Variants in RASSF8 observed in about 807,000 individuals in gnomAD.
The protein encoded by RASSF8 is ras association domain-containing protein 8.
In RASSF8, 22 loss-of-function variants were observed where a neutral mutation model predicts 48.5. The ratio of observed to expected loss-of-function variants is 0.45; its 90% CI spans 0.32 to 0.65. The LOEUF is 0.65. Ranked by LOEUF, RASSF8 falls within the 30% of genes least tolerant of loss-of-function variation. The probability of loss-of-function intolerance (pLI) is 0.03; values close to 1 mark genes in which losing one functional copy is unlikely to be tolerated. For synonymous variants in RASSF8, 127 were observed against 171.5 expected, an observed-to-expected ratio of 0.74 and a Z score of 2.03; for missense variants, 418 against 489.2, an observed-to-expected ratio of 0.85 and a Z score of 1.37.
intron 2 of RASSF8, among the ~76,000 whole-genome samples, chr12:26,023,896 T>C (rs745308407): frequency 3.9e-5 from 6 of 152,212 alleles, no homozygotes; most frequent in Non-Finnish European, 8.8e-5. Context: ...AAGGAAATTA[T>C]ACCACATGAT....
At chr12:26,011,119 C>A (rs1029484641) in intron 2 of RASSF8, among the ~76,000 whole-genome samples, 1 of 152,192 alleles carries the variant, frequency 6.6e-6, no homozygotes, top group Non-Finnish European at 1.5e-5. Flanking sequence ...ACCACAGGAA[C>A]CCTTACAGGA....
chr12:26,001,549 A>T (rs1233364740), intron 2 of RASSF8, among the ~76,000 whole-genome samples: 1 of 151,998 alleles, frequency 6.6e-6, no homozygotes, highest in African/African-American at 2.4e-5. Context: ...GCTTTTTTCT[A>T]TTTTTAAAAT....
chr12:26,016,219 T>A (rs1251025735), intron 2 of RASSF8, among the ~76,000 whole-genome samples: 3 of 151,658 alleles, frequency 2.0e-5, no homozygotes, highest in East Asian at 1.9e-4. Flanking sequence ...TTTTTTTTTT[T>A]TTATTTGTTT....
At chr12:26,062,260 G>A (rs951267580) in intron 3 of RASSF8, among the ~76,000 whole-genome samples, 1 of 152,182 alleles carries the variant, frequency 6.6e-6, no homozygotes, top group Admixed American at 6.5e-5. Flanking sequence ...TTGCAGATGT[G>A]TCATGTGGTT....
chr12:26,023,680 CAAAA>C (rs565072890), intron 2 of RASSF8, among the ~76,000 whole-genome samples: 5 of 147,898 alleles, frequency 3.4e-5, no homozygotes, highest in East Asian at 3.9e-4. Context: ...AAACAAAAAA[CAAAA>C]AAAAACAGGA....
intron 1 of RASSF8, among the ~76,000 whole-genome samples, chr12:25,981,790 C>T (rs1941751077): frequency 6.6e-6 from 1 of 152,180 alleles, no homozygotes; most frequent in Admixed American, 6.5e-5. Flanking sequence ...GCTGTCAGGG[C>T]TTTAACTTGT....
intron 2 of RASSF8, among the ~76,000 whole-genome samples, chr12:26,033,557 T>C (rs1237006722): frequency 6.6e-6 from 1 of 152,142 alleles, no homozygotes; most frequent in East Asian, 1.9e-4. Flanking sequence ...CAGATTGTTA[T>C]TTTGGAGGGA....
chr12:26,036,610 T>A (rs914724514), intron 2 of RASSF8, among the ~76,000 whole-genome samples: 12 of 152,090 alleles, frequency 7.9e-5, no homozygotes, highest in South Asian at 4.1e-4. Flanking sequence ...TTGAATTTTT[T>A]AAAAAGTGTA....
At chr12:26,034,396 G>A (rs1296835420) in intron 2 of RASSF8, among the ~76,000 whole-genome samples, 1 of 109,132 alleles carries the variant, frequency 9.2e-6, no homozygotes, top group Non-Finnish European at 1.9e-5. Context: ...ACTAACAATA[G>A]CAGATGAAGT....
chr12:26,058,642 A>T (rs1302105683), intron 3 of RASSF8, among the ~76,000 whole-genome samples: 1 of 152,242 alleles, frequency 6.6e-6, no homozygotes, highest in Admixed American at 6.5e-5. Flanking sequence ...AAACTATCAA[A>T]ATGACTTACT....
At chr12:25,969,267 G>A (rs886095202) in intron 1 of RASSF8, among the ~76,000 whole-genome samples, 14 of 152,120 alleles carry the variant, frequency 9.2e-5, no homozygotes, top group African/African-American at 3.1e-4. Context: ...TGGCTACTGC[G>A]GTAAAAACCC....
intron 2 of RASSF8, among the ~76,000 whole-genome samples, chr12:26,011,563 A>T (rs925421882): frequency 3.3e-5 from 5 of 152,140 alleles, no homozygotes; most frequent in African/African-American, 1.2e-4. Flanking sequence ...ATTCCCCCCG[A>T]ATTCAAATGT....
intron 2 of RASSF8, among the ~76,000 whole-genome samples, chr12:26,006,425 G>A (rs1942393351): frequency 6.6e-6 from 1 of 152,158 alleles, no homozygotes; most frequent in African/African-American, 2.4e-5. Context: ...GTGGATGTTT[G>A]AAGACTAAAT....
At chr12:25,979,635 C>T (rs931043946) in intron 1 of RASSF8, among the ~76,000 whole-genome samples, 2 of 152,178 alleles carry the variant, frequency 1.3e-5, no homozygotes, top group Non-Finnish European at 2.9e-5. Flanking sequence ...TCTGCAAAAA[C>T]TGAGACAGAA....
chr12:26,031,375 C>T (rs1943027017), intron 2 of RASSF8, among the ~76,000 whole-genome samples: 2 of 152,170 alleles, frequency 1.3e-5, no homozygotes, highest in South Asian at 4.1e-4. Flanking sequence ...TATTTTGGCT[C>T]ATCGTTACAC....
At chr12:25,982,636 A>T (rs1042242124) in intron 1 of RASSF8, among the ~76,000 whole-genome samples, 2 of 152,228 alleles carry the variant, frequency 1.3e-5, no homozygotes, top group Non-Finnish European at 2.9e-5. Context: ...GCACTTGCTG[A>T]GTCCCGTTGA....
intron 1 of RASSF8, among the ~76,000 whole-genome samples, chr12:25,987,532 G>C (rs1941915758): frequency 1.3e-5 from 2 of 152,296 alleles, no homozygotes; most frequent in South Asian, 2.1e-4. Flanking sequence ...CCCGGTTTAA[G>C]TGGTGTTTAA....
intron 2 of RASSF8, among the ~76,000 whole-genome samples, chr12:26,002,339 A>G (rs564985644): frequency 9.8e-5 from 15 of 152,314 alleles, no homozygotes; most frequent in Non-Finnish European, 1.5e-4. Flanking sequence ...AGGCTGAGGC[A>G]GGAGAATCGC....
At chr12:25,980,783 T>A (rs995851976) in intron 1 of RASSF8, among the ~76,000 whole-genome samples, 31 of 152,288 alleles carry the variant, frequency 2.0e-4, no homozygotes, top group African/African-American at 7.2e-4. Flanking sequence ...TAAAAATCAC[T>A]CTAATTAAAA....
Sources: gnomAD v4.1 joint callset for allele counts (sites outside exome capture counted in the v4.1 genomes callset) on GRCh38, gnomAD v4.1.1 for gene constraint, MANE v1.5 for transcripts, NCBI Gene and HGNC (gene_info 2026-07-23, HGNC 2026-07-21) for gene names.